Variants in MAL2 observed in about 807,000 individuals in gnomAD.
MAL2 encodes the protein protein MAL2.
A neutral mutation model predicts 18.1 loss-of-function variants in MAL2; 17 were observed. The ratio of observed to expected loss-of-function variants is 0.94; its 90% confidence interval spans 0.64 to 1.41. The LOEUF (loss-of-function observed/expected upper bound fraction) is 1.41. Among genes scored for constraint, MAL2 ranks in the 40% most tolerant of loss-of-function variants. The pLI is 0.00. For missense variants in MAL2, 222 were observed against 231.9 expected (o/e 0.96, Z 0.28); for synonymous variants, 102 against 102.3 (o/e 1.00, Z 0.02).
intron 3 of MAL2, among the ~76,000 whole-genome samples, chr8:119,241,490 G>T (rs546019914): frequency 6.7e-6 from 1 of 148,538 alleles, no homozygotes; most frequent in Non-Finnish European, 1.5e-5. Context: ...GACTCTGGTC[G>T]GGGGAGAGAA....
chr8:119,235,564 C>A (rs1817867286), intron 2 of MAL2, among the ~76,000 whole-genome samples: 3 of 151,944 alleles, frequency 2.0e-5, no homozygotes, highest in Admixed American at 2.0e-4. Flanking sequence ...TCGGGTTACC[C>A]TCAAAGGGAA....
Position 119,208,388 on chromosome 8 carries a change from G to GGCA in MAL2, c.-83_-82insAGC. The stretch of plus-strand genomic sequence containing the variant: ...GCGCCCGGAGCCCGCGGAGCTGAGC[G>GGCA]GCGGCGGCGGCGGCGGCAGGAGCCC... On this transcript the variant is annotated 5_prime_UTR_variant, in exon 1 of 4. Transcript: ENST00000614891. The surrounding 1 kb of genome is among the most constrained non-coding windows in gnomAD (Gnocchi z 4.3). The GGCA allele has an allele frequency of 1.6e-6, 1 of 641,000 alleles. No homozygotes were observed. The highest frequency in any genetic ancestry group is 2.0e-5 in the African/African-American group (1 of 50,766). 39.7% of individuals were successfully genotyped at this position (641,000 alleles called of 1,614,324 possible). A position where few individuals can be genotyped will look rare whatever the true frequency, so the allele number is the denominator to read the frequency against.
rs1818105433 is a variant in MAL2 at position 119,244,118 on chromosome 8, C to T, written c.*630C>T. On this transcript the variant is annotated 3_prime_UTR_variant, in exon 4 of 4. Coordinates refer to ENST00000614891, the MANE Select transcript of MAL2 (RefSeq NM_052886.3). Reference sequence around the variant, plus strand: ...GGGAGGCTGGGTTTAGCCTGTGGGCCATAGTTTGTCAACCACTGGTGTAAA... The same window carrying T: ...GGGAGGCTGGGTTTAGCCTGTGGGCTATAGTTTGTCAACCACTGGTGTAAA... 6.6e-6 allele frequency: 1 copy of T among 152,146 alleles called. No individual in the cohort carries two copies. The highest frequency in any genetic ancestry group is 1.5e-5 in the Non-Finnish European group (1 of 68,020). 9.4% of individuals were successfully genotyped at this position (152,146 alleles called of 1,614,324 possible).
At chr8:119,214,437 T>A (rs1211195042) in intron 1 of MAL2, among the ~76,000 whole-genome samples, 2 of 152,044 alleles carry the variant, frequency 1.3e-5, no homozygotes, top group African/African-American at 4.8e-5. Flanking sequence ...GTATAATAGC[T>A]ATGAGAAGGA....
intron 1 of MAL2, among the ~76,000 whole-genome samples, chr8:119,211,433 A>G (rs1013169425): frequency 6.6e-6 from 1 of 152,188 alleles, no homozygotes; most frequent in African/African-American, 2.4e-5. Context: ...TGTACCTGAC[A>G]AAGGAGGACT....
At chr8:119,233,740 C>CAG (rs1430060752) in intron 2 of MAL2, among the ~76,000 whole-genome samples, 12 of 151,834 alleles carry the variant, frequency 7.9e-5, no homozygotes, top group Non-Finnish European at 1.5e-4. Flanking sequence ...CGAATTCTAC[C>CAG]AGAGGTACAA....
At chr8:119,223,053 A>G (rs1168115598) in intron 2 of MAL2, among the ~76,000 whole-genome samples, 2 of 152,208 alleles carry the variant, frequency 1.3e-5, no homozygotes, top group East Asian at 3.9e-4. Flanking sequence ...AGAAGCTTAC[A>G]TCAGACCTTC....
At chr8:119,228,474 A>G (rs1817643169) in intron 2 of MAL2, among the ~76,000 whole-genome samples, 1 of 151,818 alleles carries the variant, frequency 6.6e-6, no homozygotes, top group African/African-American at 2.4e-5. Flanking sequence ...GCTCTTCTTC[A>G]GTGTATCTAC....
At chr8:119,220,191 C>A (rs1817440050) in intron 1 of MAL2, among the ~76,000 whole-genome samples, 1 of 152,214 alleles carries the variant, frequency 6.6e-6, no homozygotes, top group Admixed American at 6.5e-5. Context: ...TCTCTCAAGC[C>A]TAGAGGCCCA....
At chr8:119,217,966 G>A (rs1817386233) in intron 1 of MAL2, among the ~76,000 whole-genome samples, 1 of 152,094 alleles carries the variant, frequency 6.6e-6, no homozygotes, top group Non-Finnish European at 1.5e-5. Flanking sequence ...GTTTAAGTTG[G>A]AGCCAAGTTG....
chr8:119,230,932 TGA>T (rs928823153), intron 2 of MAL2, among the ~76,000 whole-genome samples: 1 of 152,232 alleles, frequency 6.6e-6, no homozygotes, highest in Non-Finnish European at 1.5e-5. Context: ...AGTTTACAAA[TGA>T]GAGTTATTTA....
intron 1 of MAL2, among the ~76,000 whole-genome samples, chr8:119,216,684 A>G (rs1029310445): frequency 4.6e-5 from 7 of 152,190 alleles, no homozygotes; most frequent in Non-Finnish European, 7.3e-5. Flanking sequence ...TCCAATATAT[A>G]GATAATAGAA....
At chr8:119,238,261 C>T (rs982921640) in intron 2 of MAL2, among the ~76,000 whole-genome samples, 1 of 148,654 alleles carries the variant, frequency 6.7e-6, no homozygotes, top group African/African-American at 2.6e-5. Flanking sequence ...GAACTACAAA[C>T]CACTGCTCAC....
rs536966189 is a variant in MAL2 at position 119,230,439 on chromosome 8, T to TG, written c.303+8689dup. Among the ~76,000 whole-genome samples, 77 of 126,758 alleles carry TG rather than the reference T, an allele frequency of 6.1e-4. 1 individual carries two copies. The highest frequency in any genetic ancestry group is 1.7e-3 in the African/African-American group (58 of 33,974). The allele number at this position is 126,758 out of a possible 152,430, so 83.2% of individuals were successfully genotyped here. A position where few individuals can be genotyped will look rare whatever the true frequency, so the allele number is the denominator to read the frequency against. On this transcript the variant is annotated intron_variant, in intron 2 of 3. Transcript: ENST00000614891. ...GAGGAAGAAGCAAAATTGGCAGGATTGGGGGGGCGGGAAGGGGCAAGCAGT... is the reference window on the plus strand; with the variant it reads ...GAGGAAGAAGCAAAATTGGCAGGATTGGGGGGGGCGGGAAGGGGCAAGCAGT...
At chr8:119,212,429 C>A (rs554222307) in intron 1 of MAL2, among the ~76,000 whole-genome samples, 1 of 152,282 alleles carries the variant, frequency 6.6e-6, no homozygotes, top group East Asian at 1.9e-4. Context: ...TAGTAATTTT[C>A]ATTTACTCAG....
chr8:119,219,721 G>C (rs1817432748), intron 1 of MAL2, among the ~76,000 whole-genome samples: 1 of 151,904 alleles, frequency 6.6e-6, no homozygotes, highest in Non-Finnish European at 1.5e-5. Context: ...TTGGGATGCA[G>C]AGACATATAA....
chr8:119,242,506 A>G (rs1272279285), intron 3 of MAL2, among the ~76,000 whole-genome samples: 3 of 152,150 alleles, frequency 2.0e-5, no homozygotes, highest in Admixed American at 2.0e-4. Context: ...CTTTTCCCTA[A>G]TAATAGGTAT....
chr8:119,237,987 A>G (rs1359380510), intron 2 of MAL2, among the ~76,000 whole-genome samples: 1 of 152,238 alleles, frequency 6.6e-6, no homozygotes, highest in Non-Finnish European at 1.5e-5. Context: ...GAAAAGAGGA[A>G]GTCATATTGT....
chr8:119,243,945 G>T lies in MAL2; in HGVS notation c.*457G>T, dbSNP rs1017465023. The T allele has an allele frequency of 4.6e-5, 7 of 152,804 alleles. 1 individual carries two copies. Among genetic ancestry groups the T allele is most frequent in the Admixed American group, 3.3e-4 (5 of 15,286 alleles). 9.5% of individuals were successfully genotyped at this position (152,804 alleles called of 1,614,324 possible). A position where few individuals can be genotyped will look rare whatever the true frequency, so the allele number is the denominator to read the frequency against. On this transcript the variant is annotated 3_prime_UTR_variant, in exon 4 of 4. Transcript: ENST00000614891. ...AATTGGCACACTTTTTTTAGAATGG[G>T]CCAGATGGTAAATATTTATGCTTCA...
Sources: gnomAD v4.1 joint callset for allele counts (sites outside exome capture counted in the v4.1 genomes callset) on GRCh38, gnomAD v4.1.1 for gene constraint, Gnocchi (gnomAD v3.1) non-coding constraint, MANE v1.5 for transcripts, NCBI Gene and HGNC (gene_info 2026-07-23, HGNC 2026-07-21) for gene names.